IL1RAPL2: variants seen among roughly 807,000 people sequenced by gnomAD.
IL1RAPL2 encodes interleukin 1 receptor accessory protein like 2.
A neutral mutation model predicts 44.1 loss-of-function variants in IL1RAPL2; 3 were observed. The ratio of observed to expected loss-of-function variants is 0.07; its 90% CI spans 0.03 to 0.18. IL1RAPL2 has a LOEUF of 0.18. Among genes scored for constraint, IL1RAPL2 ranks in the 10% least tolerant of loss-of-function variants. The probability of loss-of-function intolerance (pLI) is 1.00; values close to 1 mark genes in which losing one functional copy is unlikely to be tolerated. For synonymous variants in IL1RAPL2, 181 were observed against 178.8 expected (o/e 1.01, Z -0.10); for missense variants, 391 against 496.4 (o/e 0.79, Z 2.02).
chrX:104,919,042 G>A (rs1246830439), intron 2 of IL1RAPL2, among the ~76,000 whole-genome samples: 1 of 110,772 alleles, frequency 9.0e-6, no homozygotes, highest in Non-Finnish European at 1.9e-5. Flanking sequence ...ATAAGAGGAC[G>A]AACATTAAGA....
intron 3 of IL1RAPL2, among the ~76,000 whole-genome samples, chrX:105,224,086 T>C (rs1228698777): frequency 9.1e-6 from 1 of 109,563 alleles, no homozygotes; most frequent in Non-Finnish European, 1.9e-5. Flanking sequence ...TTGCTGGAGA[T>C]GAAGGTTGGA....
chrX:105,513,217 C>T (rs199762364), intron 6 of IL1RAPL2, among the ~76,000 whole-genome samples: 12 of 111,293 alleles, frequency 1.1e-4, no homozygotes, highest in Non-Finnish European at 1.5e-4. Flanking sequence ...TGAATAATGC[C>T]GCAATAAACA....
intron 1 of IL1RAPL2, chrX:104,647,832 G>A (rs1930074392): frequency 3.6e-6 from 2 of 561,087 alleles, no homozygotes; most frequent in South Asian, 4.7e-5. Context: ...CATGGGATAG[G>A]AAAGTGAGTC....
At chrX:104,888,975 G>T (rs2147663579) in intron 2 of IL1RAPL2, among the ~76,000 whole-genome samples, 1 of 111,120 alleles carries the variant, frequency 9.0e-6, no homozygotes, top group East Asian at 2.8e-4. Context: ...GTTCCTTTAT[G>T]CATCCAGTGC....
At chrX:105,362,355 C>T (rs894527765) in intron 5 of IL1RAPL2, among the ~76,000 whole-genome samples, 44 of 111,496 alleles carry the variant, frequency 3.9e-4, no homozygotes, top group African/African-American at 1.4e-3. Flanking sequence ...GAAAGGACTA[C>T]TTTTATCGTG....
chrX:105,540,876 A>ACATATATTATATAT (rs2036723565), intron 6 of IL1RAPL2, among the ~76,000 whole-genome samples: 1 of 21,872 alleles, frequency 4.6e-5, no homozygotes, highest in Non-Finnish European at 8.3e-5. Flanking sequence ...TATAATACAT[A>ACATATATTATATAT]CATATATTAT....
intron 2 of IL1RAPL2, among the ~76,000 whole-genome samples, chrX:104,664,170 C>T (rs1276370596): frequency 1.8e-5 from 2 of 111,161 alleles, no homozygotes; most frequent in Non-Finnish European, 3.8e-5. Context: ...CCTAGCACTG[C>T]TAATCCTTTA....
intron 6 of IL1RAPL2, among the ~76,000 whole-genome samples, chrX:105,620,799 A>G (rs2037413930): frequency 9.0e-6 from 1 of 111,731 alleles, no homozygotes; most frequent in Non-Finnish European, 1.9e-5. Context: ...TTAAAAATCA[A>G]CAAGACATTG....
At chrX:105,431,305 A>C (rs151279478) in intron 5 of IL1RAPL2, among the ~76,000 whole-genome samples, 1,913 of 112,127 alleles carry the variant, frequency 0.017, 14 homozygotes, top group Middle Eastern at 0.064. Context: ...TAGCATAGGC[A>C]AGCTGGCATG....
At chrX:105,305,873 T>C (rs771787306) in intron 5 of IL1RAPL2, among the ~76,000 whole-genome samples, 1 of 111,880 alleles carries the variant, frequency 8.9e-6, no homozygotes, top group Non-Finnish European at 1.9e-5. Context: ...TTTCTCCCCG[T>C]CATTATTGTA....
intron 2 of IL1RAPL2, among the ~76,000 whole-genome samples, chrX:105,191,472 C>T (rs1337297288): frequency 1.8e-5 from 2 of 111,970 alleles, no homozygotes; most frequent in African/African-American, 6.5e-5. Flanking sequence ...ACCTCAGCCT[C>T]CCAGAATGCT....
intron 1 of IL1RAPL2, among the ~76,000 whole-genome samples, chrX:104,568,667 C>T (rs1316504323): frequency 8.9e-6 from 1 of 111,901 alleles, no homozygotes; most frequent in African/African-American, 3.3e-5. Context: ...CCCCTTCTTG[C>T]CGCACAGAAC....
At chrX:104,980,380 CT>C (rs1490336360) in intron 2 of IL1RAPL2, among the ~76,000 whole-genome samples, 1 of 111,415 alleles carries the variant, frequency 9.0e-6, no homozygotes, top group East Asian at 2.8e-4. Flanking sequence ...TTATTGTGTT[CT>C]TTTTTGTATT....
chrX:105,170,444 A>G (rs143549438), intron 2 of IL1RAPL2, among the ~76,000 whole-genome samples: 2,099 of 111,458 alleles, frequency 0.019, 59 homozygotes, highest in African/African-American at 0.066. Context: ...TGTACTTACT[A>G]TTACTAATAT....
At chrX:105,117,285 G>C (rs1024466061) in intron 2 of IL1RAPL2, among the ~76,000 whole-genome samples, 2 of 112,409 alleles carry the variant, frequency 1.8e-5, no homozygotes, top group Non-Finnish European at 3.8e-5. Context: ...GTATACTGAT[G>C]TGGCAGAGAG....
chrX:104,906,159 C>A (rs1923994580), intron 2 of IL1RAPL2, among the ~76,000 whole-genome samples: 1 of 110,872 alleles, frequency 9.0e-6, no homozygotes, highest in Admixed American at 9.6e-5. Context: ...GATTTTGTAT[C>A]CTGAGACTTT....
chrX:105,182,077 A>T (rs1958731347), intron 2 of IL1RAPL2, among the ~76,000 whole-genome samples: 1 of 109,568 alleles, frequency 9.1e-6, no homozygotes, highest in Non-Finnish European at 1.9e-5. Flanking sequence ...AAAAAAAAAA[A>T]AGAAAAAAGA....
At chrX:104,833,746 AG>A (rs1166874547) in intron 2 of IL1RAPL2, among the ~76,000 whole-genome samples, 1 of 112,143 alleles carries the variant, frequency 8.9e-6, no homozygotes, top group Non-Finnish European at 1.9e-5. Context: ...ATTGTAAGTC[AG>A]GTTTTCACAC....
chrX:105,055,857 T>G (rs2031985677), intron 2 of IL1RAPL2, among the ~76,000 whole-genome samples: 1 of 111,728 alleles, frequency 9.0e-6, no homozygotes, highest in Non-Finnish European at 1.9e-5. Context: ...ATTAAGAGAC[T>G]ACTCTGGTAG....
Sources: allele counts gnomAD v4.1 joint callset (sites outside exome capture counted in the v4.1 genomes callset), GRCh38; gene constraint gnomAD v4.1.1; transcripts MANE v1.5; gene names NCBI Gene and HGNC (gene_info 2026-07-23, HGNC 2026-07-21).